PAXIP1: variants seen among roughly 807,000 people sequenced by gnomAD.
The protein encoded by PAXIP1 is PAX interacting protein 1, also known as PAX-interacting protein 1.
In PAXIP1, 19 loss-of-function variants were observed where a neutral mutation model predicts 140.6. The observed-to-expected ratio is 0.14, with a 90% CI of 0.09 to 0.20. The LOEUF is 0.20. PAXIP1 is among the 10% of genes least tolerant of loss of function. The probability of loss-of-function intolerance (pLI) is 1.00; values close to 1 mark genes in which losing one functional copy is unlikely to be tolerated. For synonymous variants in PAXIP1, 442 were observed against 444.6 expected, an observed-to-expected ratio of 0.99 and a Z score of 0.07; for missense variants, 920 against 1,208.6, an observed-to-expected ratio of 0.76 and a Z score of 3.54.
At chr7:154,955,908 GATTA>G (rs1197840350) in intron 14 of PAXIP1, among the ~76,000 whole-genome samples, 4 of 152,146 alleles carry the variant, frequency 2.6e-5, no homozygotes, top group African/African-American at 9.7e-5. Context: ...ATCCCCTCCT[GATTA>G]ATTTTTTTAA....
Position 154,990,857 on chromosome 7 carries a change from A to G in PAXIP1, c.324+149T>C, listed in dbSNP as rs1810298805. ...TAAAAGCAAGCACAAATATTTAAAT[A>G]ATTTTAAGTGTCATGAGTTTATATT... On this transcript the variant is annotated intron_variant, in intron 4 of 20. Coordinates refer to ENST00000404141, the MANE Select transcript of PAXIP1 (RefSeq NM_007349.4). 6.5e-6 allele frequency: 3 copies of G among 461,392 alleles called. No individual in the cohort carries two copies. The South Asian group carries it at 1.5e-4, about 23-fold the overall frequency. The allele number at this position is 461,392 out of a possible 1,614,324, so 28.6% of individuals were successfully genotyped here.
chr7:154,967,791 A>G (rs1461703192), intron 8 of PAXIP1, 25 bp downstream of exon 8: 3 of 1,527,466 alleles, frequency 2.0e-6, no homozygotes, highest in Non-Finnish European at 2.7e-6. Flanking sequence ...AGACACAGTC[A>G]TCCTTCCTCC....
rs1210909421 is a variant in PAXIP1, at chr7:154,946,853, T to C, written c.2923-40A>G. 1.4e-6 allele frequency: 2 copies of C among 1,436,418 alleles called. No individual in the cohort carries two copies. Among genetic ancestry groups the C allele is most frequent in the Non-Finnish European group, 1.9e-6 (2 of 1,052,966 alleles). The allele number at this position is 1,436,418 out of a possible 1,614,324, so 89.0% of individuals were successfully genotyped here. ...AAATATATGTATTATGTTCTTAAAA[T>C]GCTTTAATTTTTAGAGTACATAATT... On this transcript the variant is annotated intron_variant, in intron 17 of 20. Coordinates refer to ENST00000404141, the MANE Select transcript of PAXIP1 (RefSeq NM_007349.4). The surrounding 1 kb of genome is among the most constrained non-coding windows in gnomAD (Gnocchi z 4.9).
intron 4 of PAXIP1, among the ~76,000 whole-genome samples, chr7:154,988,832 A>G (rs1810193658): frequency 6.6e-6 from 1 of 152,210 alleles, no homozygotes; most frequent in Non-Finnish European, 1.5e-5. Context: ...AAAAATTCAC[A>G]TTTTAGCCAA....
chr7:154,975,680 G>T lies in PAXIP1; in HGVS notation c.1074+16C>A. On this transcript the variant is annotated intron_variant, in intron 6 of 20. Transcript: ENST00000404141. Reference sequence around the variant, plus strand: ...AAGATCCAATACTGACATTTTTTTCGGAAAGAGTGACTTACATGTGCTACA... The same window carrying T: ...AAGATCCAATACTGACATTTTTTTCTGAAAGAGTGACTTACATGTGCTACA... 6.5e-7 allele frequency: 1 copy of T among 1,533,518 alleles called. No individual in the cohort carries two copies. Among genetic ancestry groups the T allele is most frequent in the Non-Finnish European group, 8.9e-7 (1 of 1,119,330 alleles). The allele number at this position is 1,533,518 out of a possible 1,614,324, so 95.0% of individuals were successfully genotyped here.
chr7:154,946,040 T>C lies in PAXIP1; in HGVS notation c.3194+325A>G. ...AACTACAAACTCAAAGGTGAGCTGA[T>C]AAAAAGAAACATATATTTATTTTTG... On this transcript the variant is annotated intron_variant, in intron 20 of 20. Coordinates refer to ENST00000404141, the MANE Select transcript of PAXIP1 (RefSeq NM_007349.4). This position sits in a 1 kb window ranked among gnomAD's most constrained non-coding sequence, Gnocchi z 4.9. The C allele has an allele frequency of 1.0e-6, 1 of 982,858 alleles. No individual in the cohort carries two copies. Among genetic ancestry groups the C allele is most frequent in the Non-Finnish European group, 1.2e-6 (1 of 827,542 alleles). 60.9% of individuals were successfully genotyped at this position (982,858 alleles called of 1,614,324 possible). A position where few individuals can be genotyped will look rare whatever the true frequency, so the allele number is the denominator to read the frequency against.
intron 5 of PAXIP1, 96 bp from the exon 6 acceptor site, chr7:154,976,427 C>A (rs1172852048): frequency 6.1e-6 from 9 of 1,464,722 alleles, no homozygotes; most frequent in Non-Finnish European, 8.2e-6. Flanking sequence ...TCAAGGAATG[C>A]AGTTGAAATG....
At chr7:154,988,997 A>C (rs994699394) in intron 4 of PAXIP1, among the ~76,000 whole-genome samples, 1 of 152,224 alleles carries the variant, frequency 6.6e-6, no homozygotes, top group African/African-American at 2.4e-5. Context: ...ATTTTAGCCA[A>C]CTTTAAAGAT....
rs1178756701 is a variant in PAXIP1, at chr7:154,975,968, G to C, written c.802C>G (p.Pro268Ala). The change falls in exon 6 of 21, where the codon CCG becomes GCG. Residue 268 changes from proline to alanine, a missense_variant. Physicochemically the swap from Pro to Ala is conservative, Grantham distance 27 (BLOSUM62 -1). Transcript: ENST00000404141. ...GCAGCTAACTGTGGGACTTCGGCCG[G>C]GGTCCAGTTTAAATTTCTCTCCTGT... ...EKQERNLNWT[P>A]AEVPQLAAAK... The C allele has an allele frequency of 6.2e-7, 1 of 1,613,778 alleles. No individual in the cohort carries two copies. Among genetic ancestry groups the C allele is most frequent in the Non-Finnish European group, 8.5e-7 (1 of 1,179,802 alleles).
rs1225006049 is a variant in PAXIP1 at position 154,983,496 on chromosome 7, A to G, written c.325-164T>C. The G allele has an allele frequency of 1.6e-5, 9 of 547,402 alleles. No individual in the cohort carries two copies. The South Asian group carries it at 1.9e-4, about 12-fold the overall frequency. The allele number at this position is 547,402 out of a possible 1,614,324, so 33.9% of individuals were successfully genotyped here. A position where few individuals can be genotyped will look rare whatever the true frequency, so the allele number is the denominator to read the frequency against. On this transcript the variant is annotated intron_variant, in intron 4 of 20. Coordinates refer to ENST00000404141, the MANE Select transcript of PAXIP1 (RefSeq NM_007349.4). ...AGAAGCTTTTAGCTATCTGCTTATTATAACAAAAACTTCACTCCTATCATA... is the reference window on the plus strand; with the variant it reads ...AGAAGCTTTTAGCTATCTGCTTATTGTAACAAAAACTTCACTCCTATCATA...
chr7:154,996,494 A>C (rs538180953), intron 2 of PAXIP1, among the ~76,000 whole-genome samples: 269 of 152,346 alleles, frequency 1.8e-3, no homozygotes, highest in African/African-American at 6.3e-3. Flanking sequence ...ACTTAGCCTT[A>C]CATACTGACT....
intron 5 of PAXIP1, among the ~76,000 whole-genome samples, chr7:154,977,992 T>TTTTAATGTACATTTTCGAAC (rs1563379940): frequency 1.1e-4 from 16 of 152,086 alleles, no homozygotes; most frequent in African/African-American, 3.9e-4. Context: ...CAGACCAAAT[T>TTTTAATGTACATTTTCGAAC]AGAGACTAGT....
At chr7:155,003,262 GC>G (rs1274190674), upstream of PAXIP1, among the ~76,000 whole-genome samples, 4 of 151,654 alleles carry the variant, frequency 2.6e-5, no homozygotes, top group Admixed American at 1.3e-4. Context: ...GGCGCCGGCA[GC>G]CCGCTCTGGC....
At chr7:155,000,079 C>T (rs1309312729) in intron 1 of PAXIP1, 1 of 152,216 alleles carries the variant, frequency 6.6e-6, no homozygotes, top group Non-Finnish European at 1.5e-5. Context: ...AAGTGACCCA[C>T]CAGGGCAACG....
At position 154,954,546 on chromosome 7, in the gene PAXIP1, C is replaced by T. The variant is rs1808424997; in HGVS notation, c.2653-123G>A. On this transcript the variant is annotated intron_variant, in intron 15 of 20. Coordinates refer to ENST00000404141, the MANE Select transcript of PAXIP1 (RefSeq NM_007349.4). The surrounding 1 kb of genome is among the most constrained non-coding windows in gnomAD (Gnocchi z 5.1). ...GGTTTATGACTGTAATTCTCAGCCACAGAAAACAGTGTGACAGGTAAAACA... is the reference window on the plus strand; with the variant it reads ...GGTTTATGACTGTAATTCTCAGCCATAGAAAACAGTGTGACAGGTAAAACA... The T allele has an allele frequency of 3.5e-6, 2 of 572,382 alleles. No individual in the cohort carries two copies. The highest frequency in any genetic ancestry group is 3.9e-5 in the African/African-American group (2 of 51,622). 35.5% of individuals were successfully genotyped at this position (572,382 alleles called of 1,614,324 possible).
chr7:154,951,172 G>A (rs11767562), intron 16 of PAXIP1: 2 of 151,970 alleles, frequency 1.3e-5, no homozygotes, highest in African/African-American at 2.4e-5. Context: ...GACTCTGGGT[G>A]ACTAGCCAAG....
chr7:154,999,713 A>G (rs1421049273), intron 1 of PAXIP1, among the ~76,000 whole-genome samples: 9 of 152,322 alleles, frequency 5.9e-5, no homozygotes, highest in South Asian at 2.1e-4. Context: ...TAGTTTGGGC[A>G]TGCCATTCTT....
chr7:154,976,084 G>A lies in PAXIP1; in HGVS notation c.686C>T (p.Ser229Leu). Residue 229 changes from serine (S) to leucine (L), a missense_variant, in exon 6 of 21, where the codon TCA becomes TTA. By Grantham distance (145) the Ser-to-Leu change is moderately radical. Transcript: ENST00000404141. ...TTTAGGTGAAAACTGCTGGTCACCT[G>A]AAGGAGACCCTTCTTGAGAGCTGGC... ...SPASSQEGSPSGDQQFSPKSN... is the reference protein window; with the variant it reads ...SPASSQEGSPLGDQQFSPKSN... 4 of 1,579,152 alleles carry A rather than the reference G, an allele frequency of 2.5e-6. No homozygotes were observed. The highest frequency in any genetic ancestry group is 3.4e-6 in the Non-Finnish European group (4 of 1,160,714).
At position 154,975,815 on chromosome 7, in the gene PAXIP1, G is replaced by A. The variant is rs781744249; in HGVS notation, c.955C>T (p.Leu319Phe). 73 of 1,613,888 alleles carry A rather than the reference G, an allele frequency of 4.5e-5. 1 individual carries two copies. Among genetic ancestry groups the A allele is most frequent in the Non-Finnish European group, 6.0e-5 (71 of 1,179,836 alleles). Reference sequence around the variant, plus strand: ...ATTTCTGATCTTTCAGAACTTTGGAGGTTTTGTCCAGCAGCCATTAAATTA... The same window carrying A: ...ATTTCTGATCTTTCAGAACTTTGGAAGTTTTGTCCAGCAGCCATTAAATTA... ...RGNLMAAGQN[L>F]QSSERSEMIA... The change falls in exon 6 of 21, where the codon CTC becomes TTC. Residue 319 changes from leucine (L) to phenylalanine (F), a missense_variant. Physicochemically the swap from Leu to Phe is conservative, Grantham distance 22 (BLOSUM62 0). Coordinates refer to ENST00000404141, the MANE Select transcript of PAXIP1 (RefSeq NM_007349.4).
Sources: gnomAD v4.1 joint callset for allele counts (sites outside exome capture counted in the v4.1 genomes callset) on GRCh38, gnomAD v4.1.1 for gene constraint, Gnocchi (gnomAD v3.1) non-coding constraint, MANE v1.5 for transcripts, NCBI Gene and HGNC (gene_info 2026-07-23, HGNC 2026-07-21) for gene names.